The following ATP13A1 variants were observed in gnomAD, a reference collection of about 807,000 sequenced individuals.
ATP13A1 encodes ATPase 13A1.
In ATP13A1, 55 loss-of-function variants were observed where a neutral mutation model predicts 134.8. The observed-to-expected ratio is 0.41, with a 90% CI of 0.33 to 0.51. The LOEUF is 0.51. Ranked by LOEUF, ATP13A1 falls within the 20% of genes least tolerant of loss-of-function variation. The pLI, the probability that ATP13A1 is intolerant of heterozygous loss-of-function variation, is 0.29. For missense variants in ATP13A1, 1,389 were observed against 1,652.8 expected, an observed-to-expected ratio of 0.84 and a Z score of 2.77; for synonymous variants, 775 against 725.1, an observed-to-expected ratio of 1.07 and a Z score of -1.10.
rs1456214435 is a variant in ATP13A1 at position 19,655,078 on chromosome 19, C to G, written c.1655+41G>C. Reference sequence around the variant, plus strand: ...ACCTGTCTCTCGACTTCCCAGAAACCCCATCTGGGTGACCTTTGCTGCAGG... The same window carrying G: ...ACCTGTCTCTCGACTTCCCAGAAACGCCATCTGGGTGACCTTTGCTGCAGG... On this transcript the variant is annotated intron_variant, in intron 12 of 25. Transcript: ENST00000357324. The surrounding 1 kb of genome is among the most constrained non-coding windows in gnomAD (Gnocchi z 5.7). 6.2e-7 allele frequency: 1 copy of G among 1,610,450 alleles called. No homozygotes were observed. Among genetic ancestry groups the G allele is most frequent in the Non-Finnish European group, 8.5e-7 (1 of 1,178,944 alleles).
rs1464783845 is a variant in ATP13A1, at chr19:19,655,390, G to A, written c.1460C>T (p.Ser487Leu). Residue 487 changes from serine to leucine, a missense_variant, in exon 11 of 26, where the codon TCG becomes TTG. Ser to Leu is a moderately radical substitution (Grantham distance 145). This residue lies in a region of ATP13A1 where 747 missense variants were observed against 956.1 expected (regional missense o/e 0.78). Coordinates refer to ENST00000357324, the MANE Select transcript of ATP13A1 (RefSeq NM_020410.3). This position sits in a 1 kb window ranked among gnomAD's most constrained non-coding sequence, Gnocchi z 5.7. ...LFLECTLILT[S>L]VVPPELPIEL... Reference sequence around the variant, plus strand: ...GATGGGCAGCTCAGGAGGCACGACCGAGGTGAGGATCAGGGTGCACTCCAG... The same window carrying A: ...GATGGGCAGCTCAGGAGGCACGACCAAGGTGAGGATCAGGGTGCACTCCAG... 7.4e-6 allele frequency: 12 copies of A among 1,613,862 alleles called. No homozygotes were observed. Among genetic ancestry groups the A allele is most frequent in the South Asian group, 1.1e-5 (1 of 91,082 alleles).
intron 19 of ATP13A1, among the ~76,000 whole-genome samples, chr19:19,649,351 G>A (rs1013440772): frequency 2.0e-5 from 3 of 152,172 alleles, no homozygotes; most frequent in African/African-American, 7.2e-5. Flanking sequence ...CCAACTTGTT[G>A]CCTCTCTCCT....
intron 3 of ATP13A1, 59 bp downstream of exon 3, chr19:19,659,542 G>C: frequency 6.9e-7 from 1 of 1,444,592 alleles, no homozygotes; most frequent in Non-Finnish European, 9.5e-7. Context: ...TAGGCACCCT[G>C]AATCAGGAGG....
chr19:19,655,401 C>G lies in ATP13A1; in HGVS notation c.1449G>C (p.Leu483=). ...CAGGAGGCACGACCGAGGTGAGGAT[C>G]AGGGTGCACTCCAGAAACAGCTTGT... ...NRYKLFLECT[L]ILTSVVPPEL... The change falls in exon 11 of 26, where the codon CTG becomes CTC. Residue 483 remains leucine, a synonymous_variant. Coordinates refer to ENST00000357324, the MANE Select transcript of ATP13A1 (RefSeq NM_020410.3). The surrounding 1 kb of genome is among the most constrained non-coding windows in gnomAD (Gnocchi z 5.7). The G allele has an allele frequency of 1.2e-6, 2 of 1,613,952 alleles. No homozygotes were observed. The highest frequency in any genetic ancestry group is 1.7e-6 in the Non-Finnish European group (2 of 1,179,870).
rs759449425 is a variant in ATP13A1 at position 19,645,407 on chromosome 19, A to G, written c.*15T>C. ...GCGGCAGCCAGGGTGGGCAGTGGGT[A>G]CCAGCACTGCCATCTCAGGAAGGCA... On this transcript the variant is annotated 3_prime_UTR_variant, in exon 26 of 26. Coordinates refer to ENST00000357324, the MANE Select transcript of ATP13A1 (RefSeq NM_020410.3). The surrounding 1 kb of genome is among the most constrained non-coding windows in gnomAD (Gnocchi z 4.1). 6.3e-7 allele frequency: 1 copy of G among 1,582,694 alleles called. No homozygotes were observed. The highest frequency in any genetic ancestry group is 8.6e-7 in the Non-Finnish European group (1 of 1,166,126).
chr19:19,653,901 G>C lies in ATP13A1; in HGVS notation c.1990-7C>G. 1 of 1,567,360 alleles carries C rather than the reference G, an allele frequency of 6.4e-7. No individual in the cohort carries two copies. Among genetic ancestry groups the C allele is most frequent in the Non-Finnish European group, 8.6e-7 (1 of 1,156,748 alleles). ...CGGGCGGGCACTGGGAGAACTGCAG[G>C]GAATGCAGGGGGATGTCACGGGCTG... On this transcript the variant is annotated splice_polypyrimidine_tract_variant and splice_region_variant and intron_variant, in intron 14 of 25. Coordinates refer to ENST00000357324, the MANE Select transcript of ATP13A1 (RefSeq NM_020410.3). The surrounding 1 kb of genome is among the most constrained non-coding windows in gnomAD (Gnocchi z 4.2).
chr19:19,652,548 C>T (rs369144941), intron 16 of ATP13A1, 47 bp downstream of exon 16: 5 of 1,574,630 alleles, frequency 3.2e-6, no homozygotes, highest in East Asian at 2.3e-5. Context: ...GTCATCTCCT[C>T]GCCTCTATTT....
chr19:19,655,194 A>G lies in ATP13A1; in HGVS notation c.1580T>C (p.Val527Ala). The G allele has an allele frequency of 6.2e-7, 1 of 1,613,944 alleles. No homozygotes were observed. Among genetic ancestry groups the G allele is most frequent in the Non-Finnish European group, 8.5e-7 (1 of 1,179,872 alleles). Residue 527 changes from valine to alanine, a missense_variant, in exon 12 of 26, where the codon GTC (valine) becomes GCC (alanine). This residue lies in a region of ATP13A1 where 747 missense variants were observed against 956.1 expected (regional missense o/e 0.78). Coordinates refer to ENST00000357324, the MANE Select transcript of ATP13A1 (RefSeq NM_020410.3). The surrounding 1 kb of genome is among the most constrained non-coding windows in gnomAD (Gnocchi z 5.7). Reference sequence around the variant, plus strand: ...CGTCTTGTCAAAGCAGCACACCTCGACCTTGCCAGCAAAGGGGATCCGGAA... The same window carrying G: ...CGTCTTGTCAAAGCAGCACACCTCGGCCTTGCCAGCAAAGGGGATCCGGAA... ...EPFRIPFAGK[V>A]EVCCFDKTGT... is the part of the protein sequence containing the mutation.
At chr19:19,651,368 G>A in intron 17 of ATP13A1, 1 of 216,426 alleles carries the variant, frequency 4.6e-6, no homozygotes, top group Non-Finnish European at 9.1e-6. Context: ...GGTGTGAAAT[G>A]AGGATGACAC....
chr19:19,648,420 A>C (rs1475161552), intron 19 of ATP13A1, among the ~76,000 whole-genome samples: 1 of 152,098 alleles, frequency 6.6e-6, no homozygotes, highest in Non-Finnish European at 1.5e-5. Context: ...TAGTAGATAA[A>C]AGCAGATAAA....
intron 3 of ATP13A1, among the ~76,000 whole-genome samples, chr19:19,657,797 G>C (rs2062069164): frequency 6.6e-6 from 1 of 152,156 alleles, no homozygotes; most frequent in South Asian, 2.1e-4. Flanking sequence ...ACAGACAGCA[G>C]AAGACACTGA....
rs2062038616 is a variant in ATP13A1 at position 19,653,658 on chromosome 19, T to A, written c.2100+126A>T. The A allele has an allele frequency of 2.2e-6, 2 of 892,714 alleles. No individual in the cohort carries two copies. Among genetic ancestry groups the A allele is most frequent in the Admixed American group, 2.6e-5 (1 of 38,576 alleles). The allele number at this position is 892,714 out of a possible 1,614,324, so 55.3% of individuals were successfully genotyped here. ...ATTTGGAGTCTCCAAAGGTAGAAGC[T>A]GGAGGCGGGGCAAGGAGGACAAAAT... On this transcript the variant is annotated intron_variant, in intron 15 of 25. Coordinates refer to ENST00000357324, the MANE Select transcript of ATP13A1 (RefSeq NM_020410.3). The surrounding 1 kb of genome is among the most constrained non-coding windows in gnomAD (Gnocchi z 4.2).
chr19:19,654,791 T>G, intron 12 of ATP13A1, 91 bp from the exon 13 acceptor site: 1 of 1,446,790 alleles, frequency 6.9e-7, no homozygotes, highest in Non-Finnish European at 9.3e-7. Context: ...AGGCCATTCA[T>G]TCCGTGCTTG....
At chr19:19,662,130 G>A in intron 1 of ATP13A1, 2 of 1,562,182 alleles carry the variant, frequency 1.3e-6, no homozygotes, top group Non-Finnish European at 1.7e-6. Flanking sequence ...TGGAGAGGAA[G>A]TTAAGAGCTA....
In ATP13A1 at chr19:19,655,266, C is replaced by T. The variant is rs1231391386; in HGVS notation, c.1535-27G>A. On this transcript the variant is annotated intron_variant, in intron 11 of 25. Transcript: ENST00000357324. The surrounding 1 kb of genome is among the most constrained non-coding windows in gnomAD (Gnocchi z 5.7). Reference sequence around the variant, plus strand: ...TAGGGGCGGGAGTGAGGTCAGGGGTCCTGCTTGGCCCCAGCCCACTCGGCA... The same window carrying T: ...TAGGGGCGGGAGTGAGGTCAGGGGTTCTGCTTGGCCCCAGCCCACTCGGCA... The T allele has an allele frequency of 6.2e-7, 1 of 1,613,918 alleles. No homozygotes were observed. The highest frequency in any genetic ancestry group is 1.3e-5 in the African/African-American group (1 of 75,052).
chr19:19,652,446 T>A, intron 16 of ATP13A1, 149 bp downstream of exon 16: 1 of 1,214,276 alleles, frequency 8.2e-7, no homozygotes, highest in Non-Finnish European at 1.1e-6. Context: ...CTTGGGCCAG[T>A]GGCAATGTTA....
chr19:19,663,616 A>G lies in ATP13A1; in HGVS notation c.51T>C (p.Pro17=). The G allele has an allele frequency of 1.4e-6, 2 of 1,384,386 alleles. No homozygotes were observed. The highest frequency in any genetic ancestry group is 1.9e-6 in the Non-Finnish European group (2 of 1,077,530). The allele number at this position is 1,384,386 out of a possible 1,614,324, so 85.8% of individuals were successfully genotyped here. The change falls in exon 1 of 26, where the codon CCT becomes CCC. Residue 17 remains proline (P), a synonymous_variant. Coordinates refer to ENST00000357324, the MANE Select transcript of ATP13A1 (RefSeq NM_020410.3). ...VGNAVPCGAR[P]CGVRPDGQPK... is the part of the protein sequence containing the mutation. Reference sequence around the variant, plus strand: ...GCTGCCCGTCAGGCCGGACCCCGCAAGGCCGGGCCCCGCAGGGCACCGCGT... The same window carrying G: ...GCTGCCCGTCAGGCCGGACCCCGCAGGGCCGGGCCCCGCAGGGCACCGCGT...
rs113554060 is a variant in ATP13A1, at chr19:19,645,270, C to T, written c.*152G>A. ...GGGCTGGTTCTGCTGGCCAAGCCAG[C>T]GGATGGCTGTGGGGGTCCCAGCTCA... On this transcript the variant is annotated 3_prime_UTR_variant, in exon 26 of 26. Transcript: ENST00000357324. This position sits in a 1 kb window ranked among gnomAD's most constrained non-coding sequence, Gnocchi z 4.1. 3.8e-4 allele frequency: 318 copies of T among 833,398 alleles called. No homozygotes were observed. The African/African-American group carries it at 4.9e-3, about 13-fold the overall frequency. 51.6% of individuals were successfully genotyped at this position (833,398 alleles called of 1,614,324 possible). A position where few individuals can be genotyped will look rare whatever the true frequency, so the allele number is the denominator to read the frequency against.
chr19:19,662,320 G>A (rs979631550), intron 1 of ATP13A1: 2 of 985,308 alleles, frequency 2.0e-6, no homozygotes, highest in African/African-American at 3.5e-5. Context: ...TTGTCTCTCA[G>A]GAGAGGAGAA....
Sources: gnomAD v4.1 joint callset for allele counts (sites outside exome capture counted in the v4.1 genomes callset) on GRCh38, gnomAD v4.1.1 for gene constraint, gnomAD v4.1.1 regional missense constraint, Gnocchi (gnomAD v3.1) non-coding constraint, MANE v1.5 for transcripts, NCBI Gene and HGNC (gene_info 2026-07-23, HGNC 2026-07-21) for gene names.